The following NCF4 variants were observed in gnomAD, a reference collection of about 807,000 sequenced individuals.
NCF4 encodes the protein neutrophil cytosolic factor 4.
A neutral mutation model predicts 41.7 loss-of-function variants in NCF4; 30 were observed. The observed-to-expected ratio is 0.72, with a 90% CI of 0.54 to 0.97. The LOEUF (loss-of-function observed/expected upper bound fraction) is 0.97, where lower values mean the gene tolerates loss of function less well. Ranked by LOEUF, NCF4 falls within the 50% of genes least tolerant of loss-of-function variation. NCF4 has a pLI of 0.00. For missense variants in NCF4, 432 were observed against 460.9 expected (o/e 0.94, Z 0.57); for synonymous variants, 195 against 175.8 (o/e 1.11, Z -0.87).
In NCF4 at chr22:36,865,038, C is replaced by T. The variant is rs1365754506; in HGVS notation, c.237C>T (p.Ser79=). 6.2e-7 allele frequency: 1 copy of T among 1,613,208 alleles called. No individual in the cohort carries two copies. The highest frequency in any genetic ancestry group is 8.5e-7 in the Non-Finnish European group (1 of 1,180,034). ...AGCGCTTCGGGCCAGACAGCAAGAG[C>T]AGTGCCCTGGCCTGTACCCTGCCCA... ...LEERFGPDSK[S]SALACTLPTL... The change falls in exon 3 of 10, where the codon AGC becomes AGT. Residue 79 remains serine (S), a synonymous_variant. Transcript: ENST00000248899. The surrounding 1 kb of genome is among the most constrained non-coding windows in gnomAD (Gnocchi z 4.3).
Position 36,871,724 on chromosome 22 carries a change from C to T in NCF4, c.528+15C>T, listed in dbSNP as rs759917750. ...CGAGAGCAGAGGTAACCCCCGCCCC[C>T]ACGCTGGCCAGGCTCTCACACTGTG... On this transcript the variant is annotated intron_variant, in intron 6 of 9. Transcript: ENST00000248899. 2.8e-5 allele frequency: 43 copies of T among 1,554,792 alleles called. No homozygotes were observed. In the Admixed American group the frequency reaches 6.8e-4, roughly 25 times the overall value.
At chr22:36,872,480 T>A (rs1043795646) in intron 7 of NCF4, 55 bp downstream of exon 7, 1 of 1,425,394 alleles carries the variant, frequency 7.0e-7, no homozygotes, top group East Asian at 2.3e-5. Flanking sequence ...GGAGGGAAAT[T>A]AAAAGTGAAG....
At position 36,870,241 on chromosome 22, in the gene NCF4, C is replaced by T. The variant is rs1034563590; in HGVS notation, c.343-174C>T. ...AGGAGCAGAGCTTGTGAAGTGTTACCTTCAGCATGCTGAGTTTTCTTATTC... is the reference window on the plus strand; with the variant it reads ...AGGAGCAGAGCTTGTGAAGTGTTACTTTCAGCATGCTGAGTTTTCTTATTC... On this transcript the variant is annotated intron_variant, in intron 4 of 9. Coordinates refer to ENST00000248899, the MANE Select transcript of NCF4 (RefSeq NM_000631.5). 18 of 923,666 alleles carry T rather than the reference C, an allele frequency of 1.9e-5. No individual in the cohort carries two copies. The Admixed American group carries it at 2.2e-4, about 11-fold the overall frequency. 57.2% of individuals were successfully genotyped at this position (923,666 alleles called of 1,614,324 possible). A position where few individuals can be genotyped will look rare whatever the true frequency, so the allele number is the denominator to read the frequency against.
intron 7 of NCF4, among the ~76,000 whole-genome samples, chr22:36,874,850 G>A (rs1402435499): frequency 6.6e-6 from 1 of 152,210 alleles, no homozygotes; most frequent in African/African-American, 2.4e-5. Flanking sequence ...GAGTGAGTGA[G>A]CGGGATCAGC....
At chr22:36,870,648 A>C in intron 5 of NCF4, 106 bp downstream of exon 5, 1 of 1,440,586 alleles carries the variant, frequency 6.9e-7, no homozygotes, top group Non-Finnish European at 9.5e-7. Context: ...GATCAGCCAT[A>C]TCCCTGGACA....
chr22:36,870,528 G>T lies in NCF4; in HGVS notation c.456G>T (p.Pro152=), dbSNP rs554368196. The change falls in exon 5 of 10, where the codon CCG becomes CCT. Residue 152 remains proline (P), a synonymous_variant. Transcript: ENST00000248899. ...QVPQALRRLR[P]RTRKVKSVSP... is the part of the protein sequence containing the mutation. ...CCCAGGCACTCCGCCGGCTCCGCCC[G>T]CGCACCCGGAAAGTGTAAGTGACCA... 43 of 1,612,372 alleles carry T rather than the reference G, an allele frequency of 2.7e-5. 1 individual carries two copies. The Middle Eastern group carries it at 1.2e-3, about 43-fold the overall frequency.
At position 36,861,027 on chromosome 22, in the gene NCF4, G is replaced by A. The variant is rs1300165434; in HGVS notation, c.-145G>A. 2.3e-5 allele frequency: 25 copies of A among 1,089,726 alleles called. No individual in the cohort carries two copies. Among genetic ancestry groups the A allele is most frequent in the Non-Finnish European group, 3.4e-5 (25 of 727,728 alleles). 67.5% of individuals were successfully genotyped at this position (1,089,726 alleles called of 1,614,324 possible). On this transcript the variant is annotated 5_prime_UTR_variant, in exon 1 of 10. Transcript: ENST00000248899. The stretch of plus-strand genomic sequence containing the variant: ...TGCCAGACTGGAGAGAAGCAGGCCT[G>A]AGCCTCCCCAAAGGCAGCTCCTGGG...
intron 6 of NCF4, chr22:36,872,030 C>T (rs1021523964): frequency 1.8e-5 from 12 of 663,110 alleles, no homozygotes; most frequent in African/African-American, 1.6e-4. Flanking sequence ...CAGACAAGGC[C>T]CAGCCCACGA....
chr22:36,866,438 A>G (rs1178993542), intron 3 of NCF4, among the ~76,000 whole-genome samples: 23 of 152,042 alleles, frequency 1.5e-4, no homozygotes, highest in Non-Finnish European at 1.2e-4. Flanking sequence ...CTTCTCTGTT[A>G]CAGAATCAAC....
intron 1 of NCF4, among the ~76,000 whole-genome samples, chr22:36,863,011 C>G (rs986823468): frequency 1.3e-4 from 20 of 152,154 alleles, no homozygotes; most frequent in African/African-American, 4.8e-4. Flanking sequence ...CATCCCGGCC[C>G]AGTAGGGCCT....
intron 9 of NCF4, 106 bp from the exon 10 acceptor site, chr22:36,877,522 A>G: frequency 2.5e-6 from 3 of 1,191,920 alleles, no homozygotes; most frequent in Non-Finnish European, 3.7e-6. Context: ...TCAGGCTCTG[A>G]CTTTTTCTTA....
Position 36,875,678 on chromosome 22 carries a change from T to C in NCF4, c.653T>C (p.Ile218Thr). ...LEGTVRGATGIFPLSFVKILK... is the reference protein window; with the variant it reads ...LEGTVRGATGTFPLSFVKILK... ...GGCACTGTCCGGGGAGCCACGGGCA[T>C]CTTCCCTCTCTCCTTCGTGAAGATC... Residue 218 changes from isoleucine (I) to threonine (T), a missense_variant, in exon 8 of 10, where the codon ATC becomes ACC. Transcript: ENST00000248899. 4 of 1,612,712 alleles carry C rather than the reference T, an allele frequency of 2.5e-6. No individual in the cohort carries two copies. Among genetic ancestry groups the C allele is most frequent in the Non-Finnish European group, 3.4e-6 (4 of 1,180,012 alleles).
At chr22:36,863,371 AG>A (rs1292521790) in intron 1 of NCF4, among the ~76,000 whole-genome samples, 1 of 151,908 alleles carries the variant, frequency 6.6e-6, no homozygotes, top group African/African-American at 2.4e-5. Context: ...AATCTTCCCA[AG>A]GGAGCTTGAT....
At chr22:36,873,130 GGAGGTAAGATTA>G (rs1569115418) in intron 7 of NCF4, among the ~76,000 whole-genome samples, 1 of 150,852 alleles carries the variant, frequency 6.6e-6, no homozygotes, top group Non-Finnish European at 1.5e-5. Flanking sequence ...AGGTGAGATT[GGAGGTAAGATTA>G]GAGGTGAAGA....
intron 5 of NCF4, 94 bp downstream of exon 5, chr22:36,870,636 CA>C: frequency 6.6e-7 from 1 of 1,504,942 alleles, no homozygotes; most frequent in Admixed American, 1.8e-5. Flanking sequence ...AAGGAAAATA[CA>C]GATCAGCCAT....
rs1488661755 is a variant in NCF4, at chr22:36,861,193, C to T, written c.22C>T (p.Arg8Trp). ...CACCATGGCTGTGGCCCAGCAGCTG[C>T]GGGCCGAGAGGTGAGTGCCGGGGTG... MAVAQQL[R>W]AESDFEQLPD... The change falls in exon 1 of 10, where the codon CGG becomes TGG. Residue 8 changes from arginine (R) to tryptophan (W), a missense_variant. Coordinates refer to ENST00000248899, the MANE Select transcript of NCF4 (RefSeq NM_000631.5). 14 of 1,551,368 alleles carry T rather than the reference C, an allele frequency of 9.0e-6. No homozygotes were observed. Among genetic ancestry groups the T allele is most frequent in the Admixed American group, 2.0e-5 (1 of 50,988 alleles).
chr22:36,875,862 T>G (rs1015311645), intron 8 of NCF4, 79 bp downstream of exon 8: 2 of 1,614,054 alleles, frequency 1.2e-6, no homozygotes, highest in Non-Finnish European at 1.7e-6. Context: ...CACCTTCTCA[T>G]GGGTCCCTCT....
In NCF4 at chr22:36,865,017, C is replaced by T; in HGVS notation, c.216C>T (p.Arg72=). 3 of 1,613,894 alleles carry T rather than the reference C, an allele frequency of 1.9e-6. No individual in the cohort carries two copies. Among genetic ancestry groups the T allele is most frequent in the Non-Finnish European group, 2.5e-6 (3 of 1,180,028 alleles). The change falls in exon 3 of 10, where the codon CGC becomes CGT. Residue 72 remains arginine, a synonymous_variant. Transcript: ENST00000248899. The surrounding 1 kb of genome is among the most constrained non-coding windows in gnomAD (Gnocchi z 4.3). ...FHALQSKLEE[R]FGPDSKSSAL... is the part of the protein sequence containing the mutation. ...CTTTGCAGAGCAAGCTGGAGGAGCG[C>T]TTCGGGCCAGACAGCAAGAGCAGTG... is the stretch of plus-strand genomic sequence containing the variant.
At position 36,864,911 on chromosome 22, in the gene NCF4, C is replaced by A; in HGVS notation, c.118-8C>A. On this transcript the variant is annotated splice_polypyrimidine_tract_variant and splice_region_variant and intron_variant, in intron 2 of 9. Coordinates refer to ENST00000248899, the MANE Select transcript of NCF4 (RefSeq NM_000631.5). ...CTGAGCCCTCCCCACAACCTCTGTC[C>A]TCCTTAGGTTTTCGTCATCGAGGTG... is the stretch of plus-strand genomic sequence containing the variant. 1 of 1,613,938 alleles carries A rather than the reference C, an allele frequency of 6.2e-7. No homozygotes were observed. Among genetic ancestry groups the A allele is most frequent in the South Asian group, 1.1e-5 (1 of 91,082 alleles).
Sources: gnomAD v4.1 joint callset for allele counts (sites outside exome capture counted in the v4.1 genomes callset) on GRCh38, gnomAD v4.1.1 for gene constraint, Gnocchi (gnomAD v3.1) non-coding constraint, MANE v1.5 for transcripts, NCBI Gene and HGNC (gene_info 2026-07-23, HGNC 2026-07-21) for gene names.